The following GATAD2B variants were observed in gnomAD, a reference collection of about 807,000 sequenced individuals.
The protein encoded by GATAD2B is transcriptional repressor p66-beta.
A neutral mutation model predicts 64.3 loss-of-function variants in GATAD2B; 8 were observed. The ratio of observed to expected loss-of-function variants is 0.12; its 90% CI spans 0.07 to 0.22. The LOEUF is 0.22. Ranked by LOEUF, GATAD2B falls within the 10% of genes least tolerant of loss-of-function variation. GATAD2B has a pLI of 1.00. For missense variants in GATAD2B, 453 were observed against 752.0 expected, an observed-to-expected ratio of 0.60 and a Z score of 4.65; for synonymous variants, 281 against 271.3, an observed-to-expected ratio of 1.04 and a Z score of -0.35.
chr1:153,826,651 G>T (rs1382569605), intron 2 of GATAD2B, among the ~76,000 whole-genome samples: 2 of 150,642 alleles, frequency 1.3e-5, no homozygotes, highest in Non-Finnish European at 3.0e-5. Flanking sequence ...ACACAACTTG[G>T]GTTATAAGCT....
chr1:153,916,226 A>G (rs1678260104), intron 1 of GATAD2B, among the ~76,000 whole-genome samples: 1 of 151,932 alleles, frequency 6.6e-6, no homozygotes, highest in South Asian at 2.1e-4. Flanking sequence ...GGTTGCAGTA[A>G]GCTAAGATTG....
intron 1 of GATAD2B, among the ~76,000 whole-genome samples, chr1:153,872,613 A>G (rs961428045): frequency 1.3e-5 from 2 of 152,004 alleles, no homozygotes; most frequent in Admixed American, 1.3e-4. Flanking sequence ...TGGAGTATAT[A>G]AACTTTCCAA....
chr1:153,863,281 G>A (rs1031823421), intron 1 of GATAD2B, among the ~76,000 whole-genome samples: 7 of 152,032 alleles, frequency 4.6e-5, no homozygotes, highest in Non-Finnish European at 1.0e-4. Flanking sequence ...AGGAGTTCAA[G>A]ACCAGCCTGG....
At chr1:153,889,058 G>A (rs1677274195) in intron 1 of GATAD2B, among the ~76,000 whole-genome samples, 1 of 152,082 alleles carries the variant, frequency 6.6e-6, no homozygotes, top group Admixed American at 6.6e-5. Context: ...TACAGTCAGT[G>A]ACTTCCATAA....
At chr1:153,845,946 C>T (rs1404307494) in intron 1 of GATAD2B, among the ~76,000 whole-genome samples, 1 of 7,736 alleles carries the variant, frequency 1.3e-4, no homozygotes, top group African/African-American at 2.0e-4. Context: ...AAACTACCGC[C>T]CCCCCCCCGC....
chr1:153,834,789 A>G (rs1020889515), intron 1 of GATAD2B, among the ~76,000 whole-genome samples: 1 of 152,120 alleles, frequency 6.6e-6, no homozygotes, highest in Non-Finnish European at 1.5e-5. Flanking sequence ...AATGACTGCA[A>G]AAGTGGTAGA....
intron 1 of GATAD2B, among the ~76,000 whole-genome samples, chr1:153,911,933 C>G (rs1300635322): frequency 6.6e-6 from 1 of 152,180 alleles, no homozygotes; most frequent in Admixed American, 6.6e-5. Context: ...AAAAGTCACA[C>G]ATAAGCTACA....
At chr1:153,861,807 T>TAA (rs1676299053) in intron 1 of GATAD2B, among the ~76,000 whole-genome samples, 1 of 108,064 alleles carries the variant, frequency 9.3e-6, no homozygotes, top group Non-Finnish European at 2.0e-5. Context: ...TATATATATA[T>TAA]ATACACATAT....
intron 2 of GATAD2B, 98 bp from the exon 3 acceptor site, chr1:153,819,833 T>A: frequency 9.5e-7 from 1 of 1,058,032 alleles, no homozygotes; most frequent in Non-Finnish European, 1.4e-6. Context: ...GTGCGGTGGC[T>A]CACTCCTGTA....
chr1:153,844,285 T>A lies in GATAD2B; in HGVS notation c.-1-15937A>T, dbSNP rs12034058. On this transcript the variant is annotated intron_variant, in intron 1 of 10. Coordinates refer to ENST00000368655, the MANE Select transcript of GATAD2B (RefSeq NM_020699.4). ...CACATGGGGCCAGGAATAGTGCCTG[T>A]TCTTAGTAGCCAGATTAGAAAAACT... 6.6e-4 allele frequency among the ~76,000 whole-genome samples: 100 copies of A among 152,164 alleles called. 1 individual carries two copies. In the East Asian group the frequency reaches 0.017, roughly 26 times the overall value.
chr1:153,896,942 T>C (rs1174401768), intron 1 of GATAD2B, among the ~76,000 whole-genome samples: 2 of 152,196 alleles, frequency 1.3e-5, no homozygotes, highest in African/African-American at 4.8e-5. Context: ...GAAGGATCTT[T>C]TCAAAAAGAG....
At chr1:153,838,267 C>CTA (rs2101899151) in intron 1 of GATAD2B, among the ~76,000 whole-genome samples, 1 of 152,260 alleles carries the variant, frequency 6.6e-6, no homozygotes, top group Admixed American at 6.5e-5. Flanking sequence ...TAATCATACA[C>CTA]TATGTGTCAA....
At chr1:153,836,178 G>T (rs540087694) in intron 1 of GATAD2B, among the ~76,000 whole-genome samples, 1 of 151,552 alleles carries the variant, frequency 6.6e-6, no homozygotes, top group African/African-American at 2.4e-5. Flanking sequence ...AGTGGCTTGT[G>T]TGTGTAATCC....
chr1:153,879,560 G>A lies in GATAD2B; in HGVS notation c.-2+43173C>T, dbSNP rs181181324. Among the ~76,000 whole-genome samples, 134 of 151,872 alleles carry A rather than the reference G, an allele frequency of 8.8e-4. 1 individual carries two copies. Among genetic ancestry groups the A allele is most frequent in the Middle Eastern group, 3.4e-3 (1 of 294 alleles). ...GGGCGGATTATGAGGTCAAGAGATC[G>A]AGACCATCCTGGCCAACATGGTAAA... On this transcript the variant is annotated intron_variant, in intron 1 of 10. Transcript: ENST00000368655.
rs12127350 is a variant in GATAD2B, at chr1:153,913,117, A to G, written c.-2+9616T>C. Among the ~76,000 whole-genome samples the G allele has an allele frequency of 5.1e-4, 76 of 148,256 alleles. 1 individual carries two copies. The highest frequency in any genetic ancestry group is 3.4e-3 in the Middle Eastern group (1 of 294). ...AAAAAATTGTATTTTTAGTAGAGAC[A>G]GGGTTTCACCACGCTGGCCAGGCTG... On this transcript the variant is annotated intron_variant, in intron 1 of 10. Coordinates refer to ENST00000368655, the MANE Select transcript of GATAD2B (RefSeq NM_020699.4).
At chr1:153,892,198 CAATT>C (rs1384584712) in intron 1 of GATAD2B, among the ~76,000 whole-genome samples, 1 of 143,116 alleles carries the variant, frequency 7.0e-6, no homozygotes, top group Admixed American at 7.0e-5. Flanking sequence ...AAAGACAAGA[CAATT>C]AGGGACAGAA....
At chr1:153,811,249 G>A (rs1323330055) in intron 10 of GATAD2B, among the ~76,000 whole-genome samples, 4 of 152,214 alleles carry the variant, frequency 2.6e-5, no homozygotes, top group Non-Finnish European at 5.9e-5. Context: ...TTTAGGAAAA[G>A]GGGACTTCCT....
chr1:153,897,346 G>GT (rs1183666697), intron 1 of GATAD2B, among the ~76,000 whole-genome samples: 2 of 152,084 alleles, frequency 1.3e-5, no homozygotes, highest in Non-Finnish European at 2.9e-5. Flanking sequence ...CAAAACACCT[G>GT]TTTTTTAAAA....
intron 1 of GATAD2B, among the ~76,000 whole-genome samples, chr1:153,877,905 A>AG (rs1219783868): frequency 2.0e-5 from 3 of 149,196 alleles, no homozygotes; most frequent in Non-Finnish European, 4.4e-5. Flanking sequence ...AAAAAAAAAA[A>AG]GGGTAATTAT....
Sources: allele counts gnomAD v4.1 joint callset (sites outside exome capture counted in the v4.1 genomes callset), GRCh38; gene constraint gnomAD v4.1.1; transcripts MANE v1.5; gene names NCBI Gene and HGNC (gene_info 2026-07-23, HGNC 2026-07-21).